The following ZNF536 variants were observed in gnomAD, a reference collection of about 807,000 sequenced individuals.
The protein encoded by ZNF536 is zinc finger protein 536.
ZNF536 carries 13 observed loss-of-function variants against 84.5 expected under a neutral mutation model. The observed-to-expected ratio is 0.15, with a 90% CI of 0.10 to 0.24. ZNF536 has a LOEUF of 0.24. Ranked by LOEUF, ZNF536 falls within the 10% of genes least tolerant of loss-of-function variation. The probability of loss-of-function intolerance (pLI) is 1.00; values close to 1 mark genes in which losing one functional copy is unlikely to be tolerated. For synonymous variants in ZNF536, 811 were observed against 742.5 expected, an observed-to-expected ratio of 1.09 and a Z score of -1.50; for missense variants, 1,536 against 1,747.5, an observed-to-expected ratio of 0.88 and a Z score of 2.16.
chr19:30,497,440 A>G (rs1160531013), intron 2 of ZNF536, among the ~76,000 whole-genome samples: 1 of 152,130 alleles, frequency 6.6e-6, no homozygotes, highest in African/African-American at 2.4e-5. Context: ...TTGCATGGTA[A>G]TCTTTAGCAC....
intron 2 of ZNF536, among the ~76,000 whole-genome samples, chr19:30,334,662 G>A (rs879844752): frequency 2.6e-5 from 4 of 152,148 alleles, no homozygotes; most frequent in East Asian, 1.9e-4. Flanking sequence ...AGTATGACAC[G>A]GTGGGTTGAT....
intron 1 of ZNF536, among the ~76,000 whole-genome samples, chr19:30,640,910 T>G (rs1045115969): frequency 2.6e-5 from 4 of 152,232 alleles, no homozygotes; most frequent in Non-Finnish European, 4.4e-5. Context: ...GGGCACATCC[T>G]GGTTTGGTAT....
intron 1 of ZNF536, among the ~76,000 whole-genome samples, chr19:30,664,566 A>C (rs2147631155): frequency 6.6e-6 from 1 of 152,274 alleles, no homozygotes. Flanking sequence ...ATCTCACCGG[A>C]AAATAGAGGA....
At position 30,444,805 on chromosome 19, in the gene ZNF536, A is replaced by C. The variant is rs2148199181; in HGVS notation, c.1243A>C (p.Met415Leu). The change falls in exon 2 of 5, where the codon ATG becomes CTG. Residue 415 changes from methionine (M) to leucine (L), a missense_variant. By Grantham distance (15) the Met-to-Leu change is conservative. Transcript: ENST00000355537. Reference sequence around the variant, plus strand: ...CAGCGACCCCGAGGTGCCTGTGCCCATGGGCGGCATGTCCCAGGAGGCCCA... The same window carrying C: ...CAGCGACCCCGAGGTGCCTGTGCCCCTGGGCGGCATGTCCCAGGAGGCCCA... ...SPSDPEVPVP[M>L]GGMSQEAHAN... The C allele has an allele frequency of 1.2e-6, 2 of 1,613,888 alleles. No individual in the cohort carries two copies. Among genetic ancestry groups the C allele is most frequent in the Non-Finnish European group, 1.7e-6 (2 of 1,180,032 alleles).
intron 2 of ZNF536, among the ~76,000 whole-genome samples, chr19:30,471,148 T>C (rs564847837): frequency 6.6e-6 from 1 of 152,130 alleles, no homozygotes; most frequent in Non-Finnish European, 1.5e-5. Flanking sequence ...GTTCTTCTCA[T>C]GGTTAGACTG....
intron 1 of ZNF536, among the ~76,000 whole-genome samples, chr19:30,662,962 C>CTTTTTTTTTTT (rs951081577): frequency 3.8e-4 from 30 of 78,702 alleles, no homozygotes; most frequent in South Asian, 4.9e-4. Flanking sequence ...TTTTTCGTTT[C>CTTTTTTTTTTT]TTTTTTTTTT....
At chr19:30,282,693 G>A (rs1021814935) in intron 1 of ZNF536, among the ~76,000 whole-genome samples, 2 of 152,076 alleles carry the variant, frequency 1.3e-5, no homozygotes, top group African/African-American at 4.8e-5. Flanking sequence ...GACCTGTTTA[G>A]CTCAGCGATA....
At chr19:30,693,895 A>T (rs890231508) in intron 1 of ZNF536, among the ~76,000 whole-genome samples, 1 of 152,186 alleles carries the variant, frequency 6.6e-6, no homozygotes, top group African/African-American at 2.4e-5. Context: ...ATAAACTCAC[A>T]TTAATACAAT....
chr19:30,690,677 C>T (rs12462427), intron 1 of ZNF536, among the ~76,000 whole-genome samples: 16,449 of 152,100 alleles, frequency 0.11, 1,213 homozygotes, highest in Non-Finnish European at 0.16. Flanking sequence ...TGGTTTCATA[C>T]CCAGCTGCCC....
Position 30,557,329 on chromosome 19 carries a change from C to T in ZNF536, c.*165C>T. ...AGGTATGTGTATACACACGGTGCAC[C>T]AATCTACAGTATATATAGCAGAGAA... On this transcript the variant is annotated 3_prime_UTR_variant, in exon 5 of 5. Transcript: ENST00000355537. 1.4e-6 allele frequency: 1 copy of T among 701,768 alleles called. No individual in the cohort carries two copies. Among genetic ancestry groups the T allele is most frequent in the Non-Finnish European group, 2.5e-6 (1 of 405,570 alleles). 43.5% of individuals were successfully genotyped at this position (701,768 alleles called of 1,614,324 possible).
At chr19:30,482,208 A>G (rs1182116274) in intron 2 of ZNF536, among the ~76,000 whole-genome samples, 1 of 152,062 alleles carries the variant, frequency 6.6e-6, no homozygotes, top group Non-Finnish European at 1.5e-5. Context: ...CAGTATTGGG[A>G]CTGCTAGGTC....
chr19:30,593,312 C>T (rs2047337888), intron 1 of ZNF536, among the ~76,000 whole-genome samples: 2 of 152,122 alleles, frequency 1.3e-5, no homozygotes, highest in South Asian at 4.2e-4. Flanking sequence ...GAGGGAGGAA[C>T]CTCATGAGGC....
chr19:30,551,618 C>T (rs1473892848), intron 4 of ZNF536, among the ~76,000 whole-genome samples: 1 of 152,236 alleles, frequency 6.6e-6, no homozygotes, highest in Non-Finnish European at 1.5e-5. Flanking sequence ...GTCAGCCAAG[C>T]TTGAAGGCTT....
intron 1 of ZNF536, among the ~76,000 whole-genome samples, chr19:30,584,778 T>G (rs1245959563): frequency 1.3e-5 from 2 of 152,204 alleles, no homozygotes; most frequent in Admixed American, 1.3e-4. Context: ...GAAATTGTCT[T>G]TTCTCTCAGA....
intron 1 of ZNF536, chr19:30,665,700 C>T (rs2050290137): frequency 6.6e-6 from 1 of 152,310 alleles, no homozygotes; most frequent in Non-Finnish European, 1.5e-5. Context: ...GACACCCTTT[C>T]CATGTCCATT....
At chr19:30,574,693 T>G (rs1191507152) in intron 1 of ZNF536, among the ~76,000 whole-genome samples, 8 of 152,234 alleles carry the variant, frequency 5.3e-5, no homozygotes, top group African/African-American at 1.9e-4. Flanking sequence ...GAAGAGCTCA[T>G]GCCAGGCCAG....
chr19:30,266,929 C>T (rs986072237), intron 1 of ZNF536, among the ~76,000 whole-genome samples: 1 of 152,106 alleles, frequency 6.6e-6, no homozygotes, highest in Non-Finnish European at 1.5e-5. Context: ...TGTCTGACAA[C>T]GGAATCCGTT....
intron 1 of ZNF536, among the ~76,000 whole-genome samples, chr19:30,674,112 G>T (rs1334688564): frequency 6.6e-6 from 1 of 152,242 alleles, no homozygotes; most frequent in Non-Finnish European, 1.5e-5. Context: ...CCAAGAGGCA[G>T]ATATTGTGTT....
At chr19:30,579,415 G>A (rs1424790902) in intron 1 of ZNF536, among the ~76,000 whole-genome samples, 4 of 152,186 alleles carry the variant, frequency 2.6e-5, no homozygotes, top group African/African-American at 9.7e-5. Context: ...AGGTCAGCTG[G>A]AGGATGGCTG....
Sources: allele counts gnomAD v4.1 joint callset (sites outside exome capture counted in the v4.1 genomes callset), GRCh38; gene constraint gnomAD v4.1.1; transcripts MANE v1.5; gene names NCBI Gene and HGNC (gene_info 2026-07-23, HGNC 2026-07-21).